Variants in WWC1 observed in about 807,000 individuals in gnomAD.
The protein encoded by WWC1 is protein KIBRA.
WWC1 carries 55 observed loss-of-function variants against 138.4 expected under a neutral mutation model. The observed-to-expected ratio is 0.40, with a 90% CI of 0.32 to 0.50. WWC1 has a LOEUF of 0.50. WWC1 is among the 20% of genes least tolerant of loss of function. The pLI, the probability that WWC1 is intolerant of heterozygous loss-of-function variation, is 0.72. For synonymous variants in WWC1, 524 were observed against 564.9 expected (o/e 0.93, Z 1.03); for missense variants, 1,226 against 1,420.4 (o/e 0.86, Z 2.20).
chr5:168,448,953 T>A (rs941502408), intron 17 of WWC1, among the ~76,000 whole-genome samples: 1 of 152,174 alleles, frequency 6.6e-6, no homozygotes, highest in African/African-American at 2.4e-5. Context: ...CCACCAGCAA[T>A]GATTAAGAGT....
chr5:168,315,280 G>C (rs968659687), intron 1 of WWC1, among the ~76,000 whole-genome samples: 1 of 151,680 alleles, frequency 6.6e-6, no homozygotes, highest in Non-Finnish European at 1.5e-5. Flanking sequence ...GCAGATTCCT[G>C]GGCCGCCACC....
intron 5 of WWC1, 45 bp downstream of exon 5, chr5:168,399,612 C>T: frequency 6.3e-7 from 1 of 1,588,880 alleles, no homozygotes; most frequent in Non-Finnish European, 8.6e-7. Flanking sequence ...GCTCCCCACC[C>T]TGGTTCCCCT....
rs1460462976 is a variant in WWC1 at position 168,389,037 on chromosome 5, A to C, written c.433+3623A>C. Among the ~76,000 whole-genome samples the C allele has an allele frequency of 2.6e-5, 4 of 152,196 alleles. No homozygotes were observed. The East Asian group carries it at 7.7e-4, about 29-fold the overall frequency. ...AAAATATTTAAAATTCATGGCTCTAAGAGAAGGATATATTGAGATTCATTA... is the reference window on the plus strand; with the variant it reads ...AAAATATTTAAAATTCATGGCTCTACGAGAAGGATATATTGAGATTCATTA... On this transcript the variant is annotated intron_variant, in intron 3 of 22. Transcript: ENST00000265293.
intron 1 of WWC1, among the ~76,000 whole-genome samples, chr5:168,334,117 G>A (rs1404982931): frequency 6.6e-6 from 1 of 150,438 alleles, no homozygotes; most frequent in Non-Finnish European, 1.5e-5. Flanking sequence ...CCAGCTACTG[G>A]TGAGGCTGAG....
intron 1 of WWC1, among the ~76,000 whole-genome samples, chr5:168,336,346 G>A (rs1417767903): frequency 1.3e-5 from 2 of 152,078 alleles, no homozygotes; most frequent in African/African-American, 4.8e-5. Context: ...CGAGGCGGGT[G>A]GATCACATGA....
chr5:168,339,991 C>CTT (rs1554093962), intron 1 of WWC1, among the ~76,000 whole-genome samples: 2,233 of 130,772 alleles, frequency 0.017, 87 homozygotes, highest in African/African-American at 0.061. Context: ...CTCTTTCTCT[C>CTT]TCTCTCTTTC....
At chr5:168,339,985 TTCTC>T (rs1206395805) in intron 1 of WWC1, among the ~76,000 whole-genome samples, 11 of 96,290 alleles carry the variant, frequency 1.1e-4, no homozygotes, top group South Asian at 7.2e-4. Flanking sequence ...CTTTCTCTCT[TTCTC>T]TCTCTCTCTT....
intron 3 of WWC1, among the ~76,000 whole-genome samples, chr5:168,386,986 TTGAG>T (rs1248869581): frequency 1.3e-5 from 2 of 152,234 alleles, no homozygotes; most frequent in African/African-American, 4.8e-5. Flanking sequence ...CCTGTATTTA[TTGAG>T]TCTCTGTTTC....
intron 1 of WWC1, among the ~76,000 whole-genome samples, chr5:168,343,195 T>C (rs1160876293): frequency 1.4e-5 from 2 of 141,096 alleles, no homozygotes; most frequent in Non-Finnish European, 3.1e-5. Context: ...TGCTAGGAGA[T>C]ACAGAAATAC....
At chr5:168,363,065 T>C (rs575234862) in intron 1 of WWC1, among the ~76,000 whole-genome samples, 1 of 152,112 alleles carries the variant, frequency 6.6e-6, no homozygotes, top group Non-Finnish European at 1.5e-5. Context: ...AGCCAGAATT[T>C]TGAGACAGGT....
intron 8 of WWC1, among the ~76,000 whole-genome samples, chr5:168,412,880 T>C (rs1448329806): frequency 6.6e-6 from 1 of 152,232 alleles, no homozygotes. Flanking sequence ...CCATTTTATA[T>C]AAAGCACTTG....
intron 5 of WWC1, among the ~76,000 whole-genome samples, chr5:168,403,006 TTTTC>T (rs72242963): frequency 0.11 from 11,755 of 104,970 alleles, 673 homozygotes; most frequent in Non-Finnish European, 0.14. Flanking sequence ...TGTTGTTTCT[TTTTC>T]TTTCTTTCTT....
chr5:168,382,097 A>G (rs768480912), intron 2 of WWC1, among the ~76,000 whole-genome samples: 18 of 152,208 alleles, frequency 1.2e-4, no homozygotes, highest in Admixed American at 2.6e-4. Flanking sequence ...ACTGAAAACA[A>G]TTCAAATATT....
chr5:168,424,063 G>C lies in WWC1; in HGVS notation c.1805G>C (p.Gly602Ala). ...EEPGTEGKQL[G>A]QAVNTAQGCG... The stretch of plus-strand genomic sequence containing the variant: ...CCAGGAACGGAGGGCAAGCAGCTGG[G>C]CCAAGGTAGAGAGCACCATACCCAG... Residue 602 changes from glycine to alanine, a missense_variant, in exon 11 of 23, where the codon GGC becomes GCC. By Grantham distance (60) the Gly-to-Ala change is moderately conservative (BLOSUM62 0). This residue lies in a region of WWC1 where 1,016 missense variants were observed against 1,153.9 expected (regional missense o/e 0.88). Coordinates refer to ENST00000265293, the MANE Select transcript of WWC1 (RefSeq NM_015238.3). 6.3e-7 allele frequency: 1 copy of C among 1,595,236 alleles called. No homozygotes were observed. The highest frequency in any genetic ancestry group is 8.5e-7 in the Non-Finnish European group (1 of 1,170,982).
intron 17 of WWC1, among the ~76,000 whole-genome samples, chr5:168,448,210 G>A (rs187616198): frequency 2.2e-4 from 33 of 152,238 alleles, no homozygotes; most frequent in African/African-American, 7.5e-4. Context: ...AGCCTCTCTT[G>A]GTCCTGGGAT....
chr5:168,362,862 C>T (rs998845861), intron 1 of WWC1, among the ~76,000 whole-genome samples: 1 of 152,144 alleles, frequency 6.6e-6, no homozygotes, highest in African/African-American at 2.4e-5. Flanking sequence ...AGGTGAGCCA[C>T]TGGTTTGTGG....
rs950617184 is a variant in WWC1 at position 168,428,754 on chromosome 5, C to T, written c.1967C>T (p.Ala656Val). The change falls in exon 13 of 23, where the codon GCA (alanine) becomes GTA (valine). Residue 656 changes from alanine (A) to valine (V), a missense_variant. This residue lies in a region of WWC1 where 1,016 missense variants were observed against 1,153.9 expected (regional missense o/e 0.88). Coordinates refer to ENST00000265293, the MANE Select transcript of WWC1 (RefSeq NM_015238.3). ...AAAFDSDESE[A>V]VGATRIQIAL... ...GCATTTGACAGTGACGAATCGGAAG[C>T]AGTGGGTGCGACCCGAATTCAGATT... The T allele has an allele frequency of 5.6e-6, 9 of 1,613,930 alleles. No individual in the cohort carries two copies. The highest frequency in any genetic ancestry group is 1.6e-4 in the Middle Eastern group (1 of 6,062).
intron 1 of WWC1, among the ~76,000 whole-genome samples, chr5:168,360,163 A>G (rs1175115216): frequency 6.6e-6 from 1 of 152,206 alleles, no homozygotes; most frequent in Non-Finnish European, 1.5e-5. Context: ...ATGTGCACAC[A>G]CAGGCAGTGA....
chr5:168,350,058 G>A (rs1016479840), intron 1 of WWC1, among the ~76,000 whole-genome samples: 4 of 152,118 alleles, frequency 2.6e-5, no homozygotes, highest in Non-Finnish European at 5.9e-5. Context: ...AGCTAAATTG[G>A]ACATTAAATA....
Sources: allele counts gnomAD v4.1 joint callset (sites outside exome capture counted in the v4.1 genomes callset), GRCh38; gene constraint gnomAD v4.1.1; regional missense constraint gnomAD v4.1.1; transcripts MANE v1.5; gene names NCBI Gene and HGNC (gene_info 2026-07-23, HGNC 2026-07-21).